The following CLVS1 variants were observed in gnomAD, a reference collection of about 807,000 sequenced individuals.
The protein encoded by CLVS1 is clavesin 1.
CLVS1 carries 10 observed loss-of-function variants against 33.1 expected under a neutral mutation model. The ratio of observed to expected loss-of-function variants is 0.30; its 90% CI spans 0.19 to 0.51. The LOEUF is 0.51. Among genes scored for constraint, CLVS1 ranks in the 20% least tolerant of loss-of-function variants. The pLI is 0.97. For missense variants in CLVS1, 343 were observed against 433.4 expected, an observed-to-expected ratio of 0.79 and a Z score of 1.85; for synonymous variants, 163 against 166.1, an observed-to-expected ratio of 0.98 and a Z score of 0.14.
intron 2 of CLVS1, among the ~76,000 whole-genome samples, chr8:61,276,026 GA>G (rs547910690): frequency 1.3e-5 from 2 of 152,076 alleles, no homozygotes; most frequent in East Asian, 3.9e-4. Flanking sequence ...CATTAAAGGG[GA>G]AAAAAAGGTT....
At chr8:61,160,957 T>C (rs962111956) in intron 2 of CLVS1, among the ~76,000 whole-genome samples, 4 of 152,148 alleles carry the variant, frequency 2.6e-5, no homozygotes, top group African/African-American at 9.7e-5. Context: ...CCAAGATATA[T>C]AAGTGACCCA....
intron 5 of CLVS1, chr8:61,465,952 C>G (rs1817534452): frequency 6.6e-6 from 1 of 152,306 alleles, no homozygotes; most frequent in African/African-American, 2.4e-5. Flanking sequence ...CGTGAGCCAC[C>G]ATGCCTGGCC....
At chr8:61,307,286 T>C (rs1165346642) in intron 2 of CLVS1, among the ~76,000 whole-genome samples, 1 of 152,116 alleles carries the variant, frequency 6.6e-6, no homozygotes, top group Admixed American at 6.6e-5. Context: ...GAAAACTAGA[T>C]GAAAAATTGG....
chr8:61,042,815 C>T, the CLVS1 span, among the ~76,000 whole-genome samples: 16 of 152,306 alleles, frequency 1.1e-4, no homozygotes, highest in Admixed American at 4.6e-4. Flanking sequence ...GATCTGTTGC[C>T]TAAATTCCAA....
At chr8:61,483,151 G>C (rs1803731142) in intron 5 of CLVS1, among the ~76,000 whole-genome samples, 1 of 152,172 alleles carries the variant, frequency 6.6e-6, no homozygotes, top group Non-Finnish European at 1.5e-5. Context: ...ATGAATCCAG[G>C]AGCTGGTTTT....
chr8:61,500,186 A>ACTGT lies in CLVS1; in HGVS notation c.*646_*649dup, dbSNP rs1480022182. The ACTGT allele has an allele frequency of 6.6e-6, 1 of 152,566 alleles. No homozygotes were observed. Among genetic ancestry groups the ACTGT allele is most frequent in the Non-Finnish European group, 1.5e-5 (1 of 68,052 alleles). 9.5% of individuals were successfully genotyped at this position (152,566 alleles called of 1,614,324 possible). A position where few individuals can be genotyped will look rare whatever the true frequency, so the allele number is the denominator to read the frequency against. On this transcript the variant is annotated 3_prime_UTR_variant, in exon 6 of 6. Transcript: ENST00000325897. ...ACATCTCTTGTCAGGTCACTAGCTGACTGTCATGAGCTGACGTTAAAGGAA... is the reference window on the plus strand; with the variant it reads ...ACATCTCTTGTCAGGTCACTAGCTGACTGTCTGTCATGAGCTGACGTTAAAGGAA...
intron 2 of CLVS1, among the ~76,000 whole-genome samples, chr8:61,253,036 C>T (rs1278592119): frequency 2.0e-5 from 3 of 152,184 alleles, no homozygotes; most frequent in Non-Finnish European, 4.4e-5. Context: ...TACAATTTGG[C>T]ATGTTTTTAT....
intron 2 of CLVS1, among the ~76,000 whole-genome samples, chr8:61,367,332 C>G (rs1405812996): frequency 1.3e-5 from 2 of 152,174 alleles, no homozygotes; most frequent in African/African-American, 4.8e-5. Context: ...TCATTTGCCC[C>G]ATTGCACAGG....
intron 3 of CLVS1, among the ~76,000 whole-genome samples, chr8:61,446,063 A>G (rs974096281): frequency 6.6e-6 from 1 of 151,980 alleles, no homozygotes; most frequent in African/African-American, 2.4e-5. Flanking sequence ...CCCTTGTCAA[A>G]CTTGCTAATA....
rs563878081 is a variant in CLVS1 at position 61,115,439 on chromosome 8, A to G, written c.-242-16331A>G. Among the ~76,000 whole-genome samples the G allele has an allele frequency of 1.2e-3, 176 of 151,858 alleles. 2 individuals carry two copies. The highest frequency in any genetic ancestry group is 4.8e-3 in the South Asian group (23 of 4,804). On this transcript the variant is annotated intron_variant, in intron 1 of 2. Transcript: ENST00000522621. ...TGTGCACATTGTGCAGGTTAGTTACATATGTATACAAGTGCCATGCTGGTG... is the reference window on the plus strand; with the variant it reads ...TGTGCACATTGTGCAGGTTAGTTACGTATGTATACAAGTGCCATGCTGGTG...
intron 2 of CLVS1, among the ~76,000 whole-genome samples, chr8:61,347,675 TA>T: frequency 1.3e-5 from 1 of 78,382 alleles, no homozygotes; most frequent in Non-Finnish European, 2.4e-5. Flanking sequence ...TATATATATA[TA>T]TATATATCCT....
At chr8:61,374,259 CTTTTTT>C (rs1339907808) in intron 2 of CLVS1, among the ~76,000 whole-genome samples, 10 of 152,060 alleles carry the variant, frequency 6.6e-5, no homozygotes, top group African/African-American at 2.2e-4. Context: ...TCTTCTTTTT[CTTTTTT>C]AACAGAACCT....
intron 2 of CLVS1, among the ~76,000 whole-genome samples, chr8:61,143,071 C>T (rs1341704031): frequency 6.6e-6 from 1 of 152,180 alleles, no homozygotes; most frequent in Admixed American, 6.5e-5. Context: ...TGTATGTGAT[C>T]ATAATCTTTA....
At chr8:61,257,029 T>C (rs1467258512) in intron 2 of CLVS1, among the ~76,000 whole-genome samples, 1 of 152,214 alleles carries the variant, frequency 6.6e-6, no homozygotes, top group Admixed American at 6.5e-5. Flanking sequence ...TTCCTAATGT[T>C]CAACATTATT....
At chr8:61,139,284 T>A (rs976125878) in intron 2 of CLVS1, among the ~76,000 whole-genome samples, 4 of 152,166 alleles carry the variant, frequency 2.6e-5, no homozygotes, top group African/African-American at 9.7e-5. Flanking sequence ...GGACCCCAGC[T>A]CCGTGGCGGC....
intron 2 of CLVS1, among the ~76,000 whole-genome samples, chr8:61,335,492 A>T (rs1021407004): frequency 5.9e-5 from 9 of 152,220 alleles, no homozygotes; most frequent in African/African-American, 1.9e-4. Flanking sequence ...ATCACCGAAG[A>T]TCATCAAAAC....
chr8:61,347,131 G>C (rs1226857319), intron 2 of CLVS1, among the ~76,000 whole-genome samples: 1 of 152,120 alleles, frequency 6.6e-6, no homozygotes, highest in Non-Finnish European at 1.5e-5. Context: ...CTGAGATGAA[G>C]GCACAGACAT....
At chr8:61,098,166 A>C (rs560982603) in intron 1 of CLVS1, among the ~76,000 whole-genome samples, 32 of 152,216 alleles carry the variant, frequency 2.1e-4, no homozygotes, top group Admixed American at 1.4e-3. Context: ...TCTTTCTAAA[A>C]GAGACAGAGA....
At chr8:61,224,920 A>G (rs1430200376) in intron 2 of CLVS1, among the ~76,000 whole-genome samples, 3 of 152,246 alleles carry the variant, frequency 2.0e-5, no homozygotes, top group Non-Finnish European at 4.4e-5. Context: ...TAACCCTCTA[A>G]GTGCACCACG....
Sources: gnomAD v4.1 joint callset for allele counts (sites outside exome capture counted in the v4.1 genomes callset) on GRCh38, gnomAD v4.1.1 for gene constraint, MANE v1.5 for transcripts, NCBI Gene and HGNC (gene_info 2026-07-23, HGNC 2026-07-21) for gene names.